The following PDZD2 variants were observed in gnomAD, a reference collection of about 807,000 sequenced individuals.
The protein encoded by PDZD2 is PDZ domain-containing protein 2.
Under a neutral mutation model 220.7 loss-of-function variants are expected in PDZD2, and 90 were observed. The observed-to-expected ratio is 0.41, with a 90% confidence interval of 0.34 to 0.49. The LOEUF (loss-of-function observed/expected upper bound fraction) is 0.49. PDZD2 is among the 20% of genes least tolerant of loss of function. The probability of loss-of-function intolerance (pLI) is 0.28; values close to 1 mark genes in which losing one functional copy is unlikely to be tolerated. For missense variants in PDZD2, 3,174 were observed against 3,608.5 expected (o/e 0.88, Z 3.08); for synonymous variants, 1,375 against 1,450.5 (o/e 0.95, Z 1.18).
intron 1 of PDZD2, among the ~76,000 whole-genome samples, chr5:31,681,679 GTT>G (rs1299245741): frequency 1.3e-5 from 2 of 152,104 alleles, no homozygotes; most frequent in African/African-American, 2.4e-5. Flanking sequence ...ATGTGGAAGA[GTT>G]TTCGAAACTA....
chr5:31,991,364 G>A (rs1193638851), intron 3 of PDZD2, among the ~76,000 whole-genome samples: 1 of 152,148 alleles, frequency 6.6e-6, no homozygotes, highest in African/African-American at 2.4e-5. Flanking sequence ...CGGTGGATCT[G>A]GCATCTATTT....
intron 19 of PDZD2, among the ~76,000 whole-genome samples, chr5:32,079,791 A>G (rs1414048407): frequency 2.6e-5 from 4 of 151,912 alleles, no homozygotes; most frequent in Non-Finnish European, 5.9e-5. Flanking sequence ...AGCCTGGGCA[A>G]AAAGAGCGAG....
In PDZD2 at chr5:32,097,994, C is replaced by G. The variant is rs566464964; in HGVS notation, c.7948-370C>G. ...CAAGACCCGGCACGGTGGCTCACGC[C>G]TGTAATCCCAGCACTTTGGGAGGTC... On this transcript the variant is annotated intron_variant, in intron 22 of 24. Coordinates refer to ENST00000438447, the MANE Select transcript of PDZD2 (RefSeq NM_178140.4). Among the ~76,000 whole-genome samples, 12 of 152,364 alleles carry G rather than the reference C, an allele frequency of 7.9e-5. No individual in the cohort carries two copies. In the South Asian group the frequency reaches 2.5e-3, roughly 32 times the overall value.
At chr5:31,921,865 A>AC (rs1744288726) in intron 2 of PDZD2, among the ~76,000 whole-genome samples, 1 of 152,166 alleles carries the variant, frequency 6.6e-6, no homozygotes. Flanking sequence ...TTAAATACAA[A>AC]CCAGAGAGGC....
chr5:31,716,459 G>C (rs1317176255), intron 1 of PDZD2, among the ~76,000 whole-genome samples: 1 of 152,158 alleles, frequency 6.6e-6, no homozygotes, highest in Non-Finnish European at 1.5e-5. Flanking sequence ...CTTTATTGTG[G>C]TTTTTGAGGC....
chr5:31,680,952 G>A (rs1223609835), intron 1 of PDZD2, among the ~76,000 whole-genome samples: 1 of 152,082 alleles, frequency 6.6e-6, no homozygotes, highest in Non-Finnish European at 1.5e-5. Context: ...GCTGACTGTG[G>A]ACACCCATTC....
Position 31,949,697 on chromosome 5 carries a change from G to A in PDZD2, c.477-33458G>A, listed in dbSNP as rs530439748. On this transcript the variant is annotated intron_variant, in intron 2 of 24. Transcript: ENST00000438447. ...TTTTTTTTTTTTTTTTAACAAGACG[G>A]AATCTTGCTCTGTCGCTCAGGCTGG... 2.1e-5 allele frequency among the ~76,000 whole-genome samples: 3 copies of A among 145,042 alleles called. No individual in the cohort carries two copies. In the Admixed American group the frequency reaches 2.1e-4, roughly 10 times the overall value.
At chr5:32,105,509 T>TTCTA (rs1223246505) in intron 24 of PDZD2, among the ~76,000 whole-genome samples, 1 of 152,198 alleles carries the variant, frequency 6.6e-6, no homozygotes, top group Non-Finnish European at 1.5e-5. Context: ...CAATTTAAAT[T>TTCTA]TCTATCTGTA....
chr5:31,766,365 T>G (rs924596536), intron 1 of PDZD2, among the ~76,000 whole-genome samples: 2 of 152,230 alleles, frequency 1.3e-5, no homozygotes, highest in Admixed American at 1.3e-4. Flanking sequence ...TTCTTTTTTA[T>G]TATTGTATTC....
intron 1 of PDZD2, among the ~76,000 whole-genome samples, chr5:31,728,827 T>TA (rs1336556370): frequency 2.6e-5 from 4 of 152,224 alleles, no homozygotes; most frequent in African/African-American, 9.6e-5. Flanking sequence ...TTATACCTAT[T>TA]ATGCAATGTG....
At chr5:31,726,280 C>A (rs1199589192) in intron 1 of PDZD2, among the ~76,000 whole-genome samples, 1 of 152,138 alleles carries the variant, frequency 6.6e-6, no homozygotes, top group Non-Finnish European at 1.5e-5. Flanking sequence ...TATAATCCCA[C>A]CGCTTTGGGA....
intron 1 of PDZD2, among the ~76,000 whole-genome samples, chr5:31,716,955 C>T (rs182727026): frequency 1.3e-4 from 19 of 151,828 alleles, no homozygotes; most frequent in East Asian, 1.2e-3. Context: ...GGTGGGGTGG[C>T]GGTGAGAGGG....
chr5:31,672,564 G>A (rs74466074), intron 1 of PDZD2, among the ~76,000 whole-genome samples: 6,434 of 152,264 alleles, frequency 0.042, 184 homozygotes, highest in East Asian at 0.077. Context: ...TTTCAAAAGC[G>A]ACAGGAAGTC....
rs138367957 is a variant in PDZD2, at chr5:32,053,771, C to T, written c.1788C>T (p.Gly596=). 1.6e-4 allele frequency: 260 copies of T among 1,587,238 alleles called. No individual in the cohort carries two copies. The African/African-American group carries it at 2.5e-3, about 15-fold the overall frequency. ...IIGLYKEKGK[G]LGFSIAGGRD... is the part of the protein sequence containing the mutation. ...ACTCTCATCTGCTTCGGATCTAGGG[C>T]CTTGGCTTTAGTATTGCTGGAGGTC... The change falls in exon 10 of 25, where the codon GGC becomes GGT. Residue 596 remains glycine (G), a splice_region_variant and synonymous_variant. Transcript: ENST00000438447.
At chr5:31,651,406 C>T (rs1214741397) in intron 1 of PDZD2, among the ~76,000 whole-genome samples, 1 of 152,172 alleles carries the variant, frequency 6.6e-6, no homozygotes, top group African/African-American at 2.4e-5. Context: ...TGGTAGTACT[C>T]TTTATTTTTA....
chr5:31,804,467 G>C (rs1754594734), intron 2 of PDZD2, among the ~76,000 whole-genome samples: 1 of 152,210 alleles, frequency 6.6e-6, no homozygotes, highest in Non-Finnish European at 1.5e-5. Context: ...TTCTACCGTA[G>C]AGGATGTCTG....
chr5:31,926,063 G>T (rs527424688), intron 2 of PDZD2, among the ~76,000 whole-genome samples: 1 of 151,858 alleles, frequency 6.6e-6, no homozygotes. Flanking sequence ...TCGACAGAAA[G>T]TAAAAAAAAT....
rs139139191 is a variant in PDZD2, at chr5:31,983,640, G to T, written c.962G>T (p.Ser321Ile). The change falls in exon 3 of 25, where the codon AGT becomes ATT. Residue 321 changes from serine (S) to isoleucine (I), a missense_variant. This residue lies in a region of PDZD2 where 632 missense variants were observed against 708.1 expected (regional missense o/e 0.89). Coordinates refer to ENST00000438447, the MANE Select transcript of PDZD2 (RefSeq NM_178140.4). ...SKGGKTDFQS[S>I]DCLAREEVGR... ...GGTGGGAAGACGGACTTCCAATCGA[G>T]TGACTGCCTGGCACGGGTAAGGTTT... is the stretch of plus-strand genomic sequence containing the variant. 2.3e-4 allele frequency: 365 copies of T among 1,613,428 alleles called. 1 individual carries two copies. The highest frequency in any genetic ancestry group is 2.8e-4 in the Non-Finnish European group (328 of 1,179,520).
Position 31,920,400 on chromosome 5 carries a change from C to T in PDZD2, c.477-62755C>T, listed in dbSNP as rs949116212. Among the ~76,000 whole-genome samples, 3 of 149,746 alleles carry T rather than the reference C, an allele frequency of 2.0e-5. No individual in the cohort carries two copies. In the East Asian group the frequency reaches 5.9e-4, roughly 30 times the overall value. ...TCCCCCATGATCAACGCCCCCCCCCCCCACTGGGGTGGTGCATTTGTTAAA... is the reference window on the plus strand; with the variant it reads ...TCCCCCATGATCAACGCCCCCCCCCTCCACTGGGGTGGTGCATTTGTTAAA... On this transcript the variant is annotated intron_variant, in intron 2 of 24. Coordinates refer to ENST00000438447, the MANE Select transcript of PDZD2 (RefSeq NM_178140.4).
Sources: allele counts gnomAD v4.1 joint callset (sites outside exome capture counted in the v4.1 genomes callset), GRCh38; gene constraint gnomAD v4.1.1; regional missense constraint gnomAD v4.1.1; transcripts MANE v1.5; gene names NCBI Gene and HGNC (gene_info 2026-07-23, HGNC 2026-07-21).